Variants in STS observed in about 807,000 individuals in gnomAD.
STS encodes the protein steroid sulfatase.
In STS, 7 loss-of-function variants were observed where a neutral mutation model predicts 26.8. The observed-to-expected ratio is 0.26, with a 90% CI of 0.15 to 0.49. The LOEUF (loss-of-function observed/expected upper bound fraction) is 0.49. Among genes scored for constraint, STS ranks in the 20% least tolerant of loss-of-function variants. STS has a pLI of 0.98. For missense variants in STS, 434 were observed against 465.6 expected (o/e 0.93, Z 0.63); for synonymous variants, 199 against 189.4 (o/e 1.05, Z -0.42).
intron 1 of STS, among the ~76,000 whole-genome samples, chrX:7,148,752 C>A (rs1287536610): frequency 8.9e-6 from 1 of 112,287 alleles, no homozygotes; most frequent in Non-Finnish European, 1.9e-5. Context: ...GCACAACCTC[C>A]GTGCCTGCAT....
rs766610751 is a variant in STS at position 7,336,683 on chromosome X, G to C, written c.1363+2576G>C. The stretch of plus-strand genomic sequence containing the variant: ...AACTTCTGAGCTTTGTAATAAATGA[G>C]AGCTCAAGGACTCTTAATTTCTTTT... On this transcript the variant is annotated intron_variant, in intron 10 of 10. Transcript: ENST00000674429. Among the ~76,000 whole-genome samples the C allele has an allele frequency of 7.1e-5, 8 of 112,200 alleles. No individual in the cohort carries two copies. The East Asian group carries it at 1.1e-3, about 16-fold the overall frequency.
At chrX:7,179,819 A>G (rs182288940) in intron 1 of STS, among the ~76,000 whole-genome samples, 1 of 112,260 alleles carries the variant, frequency 8.9e-6, no homozygotes, top group East Asian at 2.8e-4. Flanking sequence ...TTCCAGTTAG[A>G]CAGCAGAAAT....
chrX:7,287,250 T>A (rs1028200950), intron 7 of STS, among the ~76,000 whole-genome samples: 2 of 111,078 alleles, frequency 1.8e-5, no homozygotes, highest in Non-Finnish European at 3.8e-5. Flanking sequence ...GAAAAAAAAA[T>A]TTAAATTGTT....
intron 1 of STS, among the ~76,000 whole-genome samples, chrX:7,183,446 G>C (rs1447104628): frequency 2.7e-5 from 3 of 111,614 alleles, no homozygotes; most frequent in Admixed American, 9.5e-5. Flanking sequence ...AGATGCAAAA[G>C]GGCAAAATCA....
intron 6 of STS, among the ~76,000 whole-genome samples, chrX:7,265,314 C>T (rs1923956366): frequency 2.7e-5 from 3 of 111,962 alleles, no homozygotes; most frequent in Admixed American, 9.5e-5. Flanking sequence ...ATTAATACAG[C>T]GTCCATTATA....
Position 7,279,361 on chromosome X carries a change from A to G in STS, c.943+3274A>G, listed in dbSNP as rs12396093. 4.0e-3 allele frequency among the ~76,000 whole-genome samples: 320 copies of G among 80,659 alleles called. 2 individuals are homozygous for G. The highest frequency in any genetic ancestry group is 0.014 in the African/African-American group (277 of 19,535). The allele number at this position is 80,659 out of a possible 115,157, so 70.0% of individuals were successfully genotyped here. A position where few individuals can be genotyped will look rare whatever the true frequency, so the allele number is the denominator to read the frequency against. On this transcript the variant is annotated intron_variant, in intron 7 of 10. Coordinates refer to ENST00000674429, the MANE Select transcript of STS (RefSeq NM_001320752.2). ...TGTATGTGTGTGTGTGTGTGTGTATATGTGTGTGTGTGTGTGTATATATAT... is the reference window on the plus strand; with the variant it reads ...TGTATGTGTGTGTGTGTGTGTGTATGTGTGTGTGTGTGTGTGTATATATAT...
At chrX:7,302,405 G>A (rs1289318757) in intron 7 of STS, among the ~76,000 whole-genome samples, 7 of 111,468 alleles carry the variant, frequency 6.3e-5, no homozygotes, top group South Asian at 7.5e-4. Context: ...CCCCAAGCCC[G>A]AGAGCACAGG....
At chrX:7,245,057 G>T (rs1404491788) in intron 2 of STS, among the ~76,000 whole-genome samples, 3 of 111,719 alleles carry the variant, frequency 2.7e-5, no homozygotes, top group African/African-American at 9.8e-5. Flanking sequence ...GCTGGCTCTG[G>T]CCTTCTCTGA....
At chrX:7,175,103 G>A (rs191298685) in intron 1 of STS, among the ~76,000 whole-genome samples, 9 of 106,456 alleles carry the variant, frequency 8.5e-5, no homozygotes, top group African/African-American at 3.4e-5. Flanking sequence ...TTCATATCAC[G>A]GTGATGGTGG....
intron 7 of STS, among the ~76,000 whole-genome samples, chrX:7,299,294 A>G (rs1404870128): frequency 1.3e-3 from 132 of 98,275 alleles, no homozygotes; most frequent in Non-Finnish European, 2.2e-3. Flanking sequence ...AAATAACATG[A>G]TAATAAATAT....
intron 7 of STS, among the ~76,000 whole-genome samples, chrX:7,279,413 C>G (rs868388371): frequency 5.8e-4 from 46 of 79,858 alleles, no homozygotes; most frequent in Admixed American, 1.8e-3. Context: ...GTGTGTGTGT[C>G]TGTGTGTGTG....
intron 1 of STS, among the ~76,000 whole-genome samples, chrX:7,155,887 G>A (rs1374558729): frequency 3.6e-5 from 4 of 112,084 alleles, no homozygotes; most frequent in Non-Finnish European, 7.5e-5. Context: ...GGAGGCTCAC[G>A]CCTATAATCT....
intron 2 of STS, among the ~76,000 whole-genome samples, chrX:7,230,473 AC>A (rs1476637647): frequency 7.1e-5 from 8 of 112,002 alleles, no homozygotes; most frequent in Non-Finnish European, 1.3e-4. Flanking sequence ...AAAATGTGGC[AC>A]AGCCATGCAA....
intron 7 of STS, among the ~76,000 whole-genome samples, chrX:7,294,116 C>T (rs1325808409): frequency 9.0e-6 from 1 of 111,328 alleles, no homozygotes; most frequent in African/African-American, 3.3e-5. Context: ...ATTAATTTAG[C>T]TTATAAATCA....
intron 10 of STS, among the ~76,000 whole-genome samples, chrX:7,349,316 CTTTTTTTTTTTTTTTTT>C (rs1178578773): frequency 7.6e-5 from 4 of 52,887 alleles, no homozygotes; most frequent in South Asian, 1.5e-3. Context: ...CATTTAATTC[CTTTTTTTTTTTTTTTTT>C]TTTTTTTTTT....
At chrX:7,181,981 G>A (rs1933689787) in intron 1 of STS, among the ~76,000 whole-genome samples, 1 of 111,199 alleles carries the variant, frequency 9.0e-6, no homozygotes, top group Admixed American at 9.6e-5. Flanking sequence ...GGCTAAGATG[G>A]GAGGATTGAT....
At chrX:7,258,642 T>C (rs868150970) in intron 5 of STS, among the ~76,000 whole-genome samples, 9 of 111,555 alleles carry the variant, frequency 8.1e-5, no homozygotes, top group Non-Finnish European at 1.1e-4. Flanking sequence ...CCCTTTTCTT[T>C]CTTCCAACAT....
intron 7 of STS, among the ~76,000 whole-genome samples, chrX:7,284,955 G>GTGA (rs796509541): frequency 1.8e-5 from 2 of 110,690 alleles, no homozygotes; most frequent in African/African-American, 3.3e-5. Flanking sequence ...GCTGATGATG[G>GTGA]TGATGATGAT....
intron 9 of STS, among the ~76,000 whole-genome samples, chrX:7,326,275 A>C (rs1927467464): frequency 9.0e-6 from 1 of 111,627 alleles, no homozygotes; most frequent in Non-Finnish European, 1.9e-5. Context: ...CCCTCTGCCA[A>C]TCTCTTTATC....
Sources: allele counts gnomAD v4.1 joint callset (sites outside exome capture counted in the v4.1 genomes callset), GRCh38; gene constraint gnomAD v4.1.1; transcripts MANE v1.5; gene names NCBI Gene and HGNC (gene_info 2026-07-23, HGNC 2026-07-21).